The following CAV2 variants were observed in gnomAD, a reference collection of about 807,000 sequenced individuals.
CAV2 encodes caveolin 2.
Under a neutral mutation model 15.5 loss-of-function variants are expected in CAV2, and 7 were observed. The observed-to-expected ratio is 0.45, with a 90% confidence interval of 0.26 to 0.85. The LOEUF (loss-of-function observed/expected upper bound fraction) is 0.85, where lower values mean the gene tolerates loss of function less well. CAV2 is among the 40% of genes least tolerant of loss of function. The probability of loss-of-function intolerance (pLI) is 0.18; values close to 1 mark genes in which losing one functional copy is unlikely to be tolerated. For synonymous variants in CAV2, 76 were observed against 83.1 expected, an observed-to-expected ratio of 0.91 and a Z score of 0.46; for missense variants, 229 against 208.8, an observed-to-expected ratio of 1.10 and a Z score of -0.60.
chr7:116,504,072 G>A (rs918509851), intron 2 of CAV2, among the ~76,000 whole-genome samples: 2 of 151,222 alleles, frequency 1.3e-5, no homozygotes, highest in Non-Finnish European at 3.0e-5. Context: ...AAGAAGGAAG[G>A]AATTCTAAGT....
chr7:116,504,038 A>AAGAGAAAGAAAAAG (rs1554470698), intron 2 of CAV2, among the ~76,000 whole-genome samples: 1 of 122,730 alleles, frequency 8.1e-6, no homozygotes. Flanking sequence ...AAGAGAAAGA[A>AAGAGAAAGAAAAAG]AAAGAAAGAA....
intron 2 of CAV2, among the ~76,000 whole-genome samples, chr7:116,504,604 G>A (rs1793188147): frequency 6.6e-6 from 1 of 152,124 alleles, no homozygotes; most frequent in Non-Finnish European, 1.5e-5. Context: ...TATTTTAATA[G>A]CAAACCAAGA....
At chr7:116,502,167 G>GA (rs145408438) in intron 2 of CAV2, among the ~76,000 whole-genome samples, 40 of 148,186 alleles carry the variant, frequency 2.7e-4, no homozygotes, top group Non-Finnish European at 3.4e-4. Context: ...GAAAGAATTT[G>GA]AAAAAAAAAA....
At position 116,505,710 on chromosome 7, in the gene CAV2, A is replaced by G. The variant is rs541900053; in HGVS notation, c.339-261A>G. ...TACCAAGAGGGTGGCAGGCACTAAG[A>G]CATTCATGAGGGATCTACCCGCTGT... is the stretch of plus-strand genomic sequence containing the variant. On this transcript the variant is annotated intron_variant, in intron 2 of 2. Transcript: ENST00000222693. 2.0e-5 allele frequency among the ~76,000 whole-genome samples: 3 copies of G among 152,200 alleles called. No individual in the cohort carries two copies. The South Asian group carries it at 6.2e-4, about 32-fold the overall frequency.
Position 116,499,850 on chromosome 7 carries a change from C to A in CAV2, c.69C>A (p.Ser23Arg), listed in dbSNP as rs770536577. ...FMDDDSYSHH[S>R]GLEYADPEKF... ...ACGACGACTCCTACAGCCACCACAG[C>A]GGCCTCGAGTACGCCGACCCCGAGA... Residue 23 changes from serine to arginine, a missense_variant, in exon 1 of 3, where the codon AGC becomes AGA. By Grantham distance (110) the Ser-to-Arg change is moderately radical. Coordinates refer to ENST00000222693, the MANE Select transcript of CAV2 (RefSeq NM_001233.5). The A allele has an allele frequency of 6.2e-7, 1 of 1,607,282 alleles. No homozygotes were observed. Among genetic ancestry groups the A allele is most frequent in the East Asian group, 2.2e-5 (1 of 44,532 alleles).
In CAV2 at chr7:116,504,736, A is replaced by G. The variant is rs148842315; in HGVS notation, c.339-1235A>G. ...AGAGGACATTACTACAACAGAGAACATTATTTAGAAAATTACATATAAAAT... is the reference window on the plus strand; with the variant it reads ...AGAGGACATTACTACAACAGAGAACGTTATTTAGAAAATTACATATAAAAT... On this transcript the variant is annotated intron_variant, in intron 2 of 2. Coordinates refer to ENST00000222693, the MANE Select transcript of CAV2 (RefSeq NM_001233.5). Among the ~76,000 whole-genome samples, 30 of 152,358 alleles carry G rather than the reference A, an allele frequency of 2.0e-4. 1 individual carries two copies. In the East Asian group the frequency reaches 5.2e-3, roughly 26 times the overall value.
chr7:116,500,150 C>G (rs1385341976), intron 1 of CAV2, 110 bp from the exon 2 acceptor site: 2 of 1,507,012 alleles, frequency 1.3e-6, no homozygotes, highest in Non-Finnish European at 1.8e-6. Flanking sequence ...AGAGAAGAGG[C>G]GGACGCCCTG....
At position 116,500,280 on chromosome 7, in the gene CAV2, C is replaced by T. The variant is rs1431249772; in HGVS notation, c.171C>T (p.Ile57=). 6.2e-7 allele frequency: 1 copy of T among 1,613,988 alleles called. No homozygotes were observed. Among genetic ancestry groups the T allele is most frequent in the East Asian group, 2.2e-5 (1 of 44,870 alleles). The change falls in exon 2 of 3, where the codon ATC becomes ATT. Residue 57 remains isoleucine (I), a synonymous_variant. Transcript: ENST00000222693. ...SHLKLGFEDV[I]AEPVTTHSFD... is the part of the protein sequence containing the mutation. Reference sequence around the variant, plus strand: ...CTCAGCTGGGCTTCGAGGATGTGATCGCAGAGCCGGTGACTACGCACTCCT... The same window carrying T: ...CTCAGCTGGGCTTCGAGGATGTGATTGCAGAGCCGGTGACTACGCACTCCT...
intron 2 of CAV2, among the ~76,000 whole-genome samples, chr7:116,501,734 C>G (rs868559382): frequency 9.9e-5 from 15 of 151,974 alleles, no homozygotes; most frequent in Non-Finnish European, 1.3e-4. Context: ...TGAAAGGAGT[C>G]GAAAAAGACT....
Position 116,506,046 on chromosome 7 carries a change from T to G in CAV2, c.414T>G (p.Asp138Glu). Residue 138 changes from aspartate (D) to glutamate (E), a missense_variant, in exon 3 of 3, where the codon GAT becomes GAG. Transcript: ENST00000222693. ...AGACAATATGGAAGAGTGTGACAGATGTTATCATTGCTCCATTGTGTACGA... is the reference window on the plus strand; with the variant it reads ...AGACAATATGGAAGAGTGTGACAGAGGTTATCATTGCTCCATTGTGTACGA... ...SVQTIWKSVT[D>E]VIIAPLCTSV... is the part of the protein sequence containing the mutation. The G allele has an allele frequency of 6.2e-7, 1 of 1,613,740 alleles. No homozygotes were observed. The highest frequency in any genetic ancestry group is 8.5e-7 in the Non-Finnish European group (1 of 1,179,650).
In CAV2 at chr7:116,502,268, A is replaced by G. The variant is rs189090413; in HGVS notation, c.338+1821A>G. ...TCCAGCTGGCTCTTCTGAGAATGGG[A>G]GGTGTTTTTGTATAGTGCTTCAATT... is the stretch of plus-strand genomic sequence containing the variant. On this transcript the variant is annotated intron_variant, in intron 2 of 2. Transcript: ENST00000222693. Among the ~76,000 whole-genome samples the G allele has an allele frequency of 2.6e-5, 4 of 152,294 alleles. No homozygotes were observed. In the East Asian group the frequency reaches 7.7e-4, roughly 29 times the overall value.
Position 116,499,989 on chromosome 7 carries a change from C to A in CAV2, c.150+58C>A, listed in dbSNP as rs1793053182. 5.8e-5 allele frequency: 91 copies of A among 1,581,166 alleles called. 2 individuals carry two copies. The South Asian group carries it at 1.0e-3, about 18-fold the overall frequency. ...GCTGAGGCCGGGAGGTGCGGGCGCC[C>A]CTCAGCCCCGCCCTAACCCGTCCCA... On this transcript the variant is annotated intron_variant, in intron 1 of 2. Transcript: ENST00000222693.
At chr7:116,502,606 T>A (rs1793129270) in intron 2 of CAV2, among the ~76,000 whole-genome samples, 1 of 152,224 alleles carries the variant, frequency 6.6e-6, no homozygotes, top group Non-Finnish European at 1.5e-5. Flanking sequence ...TGTTTTCTTT[T>A]TATATATATT....
At chr7:116,503,947 A>T (rs1426004713) in intron 2 of CAV2, among the ~76,000 whole-genome samples, 1 of 118,478 alleles carries the variant, frequency 8.4e-6, no homozygotes, top group Non-Finnish European at 1.8e-5. Flanking sequence ...GGGAGGGAGG[A>T]AGACAGAAAG....
intron 1 of CAV2, 88 bp downstream of exon 1, chr7:116,500,019 T>C: frequency 2.0e-6 from 3 of 1,527,752 alleles, no homozygotes; most frequent in Non-Finnish European, 2.6e-6. Flanking sequence ...GTCCCACCAT[T>C]GCTACCGGGT....
chr7:116,501,295 T>G (rs536332683), intron 2 of CAV2: 2 of 152,358 alleles, frequency 1.3e-5, no homozygotes, highest in Non-Finnish European at 2.9e-5. Flanking sequence ...AATATCCACT[T>G]TAATCTGAGA....
chr7:116,499,978 G>T (rs1187920319), intron 1 of CAV2, 47 bp downstream of exon 1: 1 of 1,593,076 alleles, frequency 6.3e-7, no homozygotes, highest in Admixed American at 1.7e-5. Flanking sequence ...AGGCCGGGAG[G>T]TGCGGGCGCC....
At chr7:116,501,661 G>T (rs1793107640) in intron 2 of CAV2, among the ~76,000 whole-genome samples, 1 of 152,216 alleles carries the variant, frequency 6.6e-6, no homozygotes, top group South Asian at 2.1e-4. Flanking sequence ...TAGGTACAGA[G>T]ATGGACGCTG....
chr7:116,501,063 A>C (rs2116118429), intron 2 of CAV2: 1 of 152,336 alleles, frequency 6.6e-6, no homozygotes, highest in Middle Eastern at 3.4e-3. Context: ...ATAATGAATG[A>C]GAAGGCCTCC....
Sources: allele counts gnomAD v4.1 joint callset (sites outside exome capture counted in the v4.1 genomes callset), GRCh38; gene constraint gnomAD v4.1.1; transcripts MANE v1.5; gene names NCBI Gene and HGNC (gene_info 2026-07-23, HGNC 2026-07-21).